Variants in TMEM108 observed in about 807,000 individuals in gnomAD.
TMEM108 encodes the protein cancer/testis antigen 124.
A neutral mutation model predicts 35.1 loss-of-function variants in TMEM108; 12 were observed. That is an observed-to-expected ratio of 0.34 (90% CI 0.22 to 0.55). The LOEUF is 0.55. TMEM108 is among the 20% of genes least tolerant of loss of function. The probability of loss-of-function intolerance (pLI) is 0.89; values close to 1 mark genes in which losing one functional copy is unlikely to be tolerated. For missense variants in TMEM108, 680 were observed against 753.3 expected (o/e 0.90, Z 1.14); for synonymous variants, 287 against 308.6 (o/e 0.93, Z 0.73).
chr3:133,172,114 C>T (rs865827866), intron 2 of TMEM108, among the ~76,000 whole-genome samples: 8 of 152,104 alleles, frequency 5.3e-5, no homozygotes, highest in Admixed American at 3.3e-4. Context: ...TTGCATTTAA[C>T]GCTCACAGGG....
intron 2 of TMEM108, among the ~76,000 whole-genome samples, chr3:133,057,441 A>G (rs61307159): frequency 0.12 from 884 of 7,222 alleles, 23 homozygotes; most frequent in African/African-American, 0.19. Flanking sequence ...GTGTGTATAT[A>G]TATATATATA....
intron 3 of TMEM108, chr3:133,303,455 C>T (rs979888145): frequency 6.6e-6 from 1 of 152,156 alleles, no homozygotes; most frequent in Non-Finnish European, 1.5e-5. Context: ...CCTTCCTAAG[C>T]ATTTCACTAT....
chr3:133,168,469 G>A (rs1298703853), intron 2 of TMEM108, among the ~76,000 whole-genome samples: 1 of 152,130 alleles, frequency 6.6e-6, no homozygotes, highest in African/African-American at 2.4e-5. Flanking sequence ...CTACTGAGAG[G>A]TGAAGCTGGC....
rs1381522961 is a variant in TMEM108, at chr3:133,380,228, C to T, written c.517C>T (p.Arg173Ter). Residue 173 changes from arginine (R) to a stop codon, truncating the protein, a stop_gained, in exon 4 of 6, where the codon CGA becomes TGA. Coordinates refer to ENST00000321871, the MANE Select transcript of TMEM108 (RefSeq NM_023943.4). LOFTEE classifies it high-confidence loss of function. This position sits in a 1 kb window ranked among gnomAD's most constrained non-coding sequence, Gnocchi z 5.3. ...RRPPRPPGSS[R>*]KGAGNSSRPV... ...GCCCCCCAGGCCCCCAGGCTCTTCC[C>T]GAAAAGGGGCTGGTAATTCATCACG... The T allele has an allele frequency of 6.2e-7, 1 of 1,613,120 alleles. No homozygotes were observed. Among genetic ancestry groups the T allele is most frequent in the African/African-American group, 1.3e-5 (1 of 74,962 alleles).
rs146675297 is a variant in TMEM108 at position 133,095,732 on chromosome 3, C to T, written c.-47+49712C>T. On this transcript the variant is annotated intron_variant, in intron 2 of 5. Coordinates refer to ENST00000321871, the MANE Select transcript of TMEM108 (RefSeq NM_023943.4). ...GAATCTAATGTTGCCACTGATCCGA[C>T]AGGCGGTGGAGCTCAGGTGATAATG... Among the ~76,000 whole-genome samples the T allele has an allele frequency of 1.2e-4, 19 of 152,266 alleles. No homozygotes were observed. The East Asian group carries it at 3.3e-3, about 26-fold the overall frequency.
intron 2 of TMEM108, among the ~76,000 whole-genome samples, chr3:133,072,671 G>A (rs571629695): frequency 4.5e-4 from 68 of 152,114 alleles, no homozygotes; most frequent in African/African-American, 1.3e-3. Context: ...TATAATTTAC[G>A]TATTATAAAA....
rs1946959645 is a variant in TMEM108, at chr3:133,284,586, C to T, written c.40+55235C>T. 2.6e-5 allele frequency among the ~76,000 whole-genome samples: 4 copies of T among 152,318 alleles called. No homozygotes were observed. In the South Asian group the frequency reaches 8.3e-4, roughly 32 times the overall value. ...GCCTGAAAGGTCACAGCCAGCACAT[C>T]CCTGGAAATGATGAATCCCAGCTCC... On this transcript the variant is annotated intron_variant, in intron 3 of 5. Coordinates refer to ENST00000321871, the MANE Select transcript of TMEM108 (RefSeq NM_023943.4).
At chr3:133,184,403 A>C (rs942317794) in intron 2 of TMEM108, among the ~76,000 whole-genome samples, 1 of 152,136 alleles carries the variant, frequency 6.6e-6, no homozygotes, top group Non-Finnish European at 1.5e-5. Flanking sequence ...TCTTGCATAA[A>C]TCATCCTCTA....
intron 2 of TMEM108, among the ~76,000 whole-genome samples, chr3:133,167,725 G>A (rs1346153214): frequency 1.3e-5 from 2 of 152,174 alleles, no homozygotes; most frequent in Non-Finnish European, 2.9e-5. Flanking sequence ...CGGAACTTGC[G>A]CTGGCCCGTG....
chr3:133,296,729 A>G (rs900765410), intron 3 of TMEM108, among the ~76,000 whole-genome samples: 1 of 152,160 alleles, frequency 6.6e-6, no homozygotes, highest in African/African-American at 2.4e-5. Flanking sequence ...GTTGATGGAC[A>G]GTGGGGCTGA....
intron 3 of TMEM108, among the ~76,000 whole-genome samples, chr3:133,342,672 T>C (rs949802283): frequency 1.3e-5 from 2 of 149,662 alleles, no homozygotes; most frequent in African/African-American, 4.9e-5. Flanking sequence ...GAAAAATAAA[T>C]ACTGCATCTT....
intron 3 of TMEM108, among the ~76,000 whole-genome samples, chr3:133,352,180 T>C (rs929288802): frequency 2.6e-5 from 4 of 152,176 alleles, no homozygotes; most frequent in Non-Finnish European, 4.4e-5. Flanking sequence ...TTCATTGGGC[T>C]TGGGAATTCT....
intron 3 of TMEM108, among the ~76,000 whole-genome samples, chr3:133,293,213 C>G (rs971284013): frequency 2.0e-5 from 3 of 151,900 alleles, no homozygotes; most frequent in African/African-American, 7.3e-5. Context: ...GATCCAGCCT[C>G]CAACTTTCTT....
chr3:133,390,252 G>A lies in TMEM108; in HGVS notation c.1523G>A (p.Trp508Ter). 1 of 1,614,214 alleles carries A rather than the reference G, an allele frequency of 6.2e-7. No individual in the cohort carries two copies. ...TANPENNLSY[W>*]NNTITMDYFN... ...AACCCGGAGAACAACCTGAGCTACT[G>A]GAACAACACCATCACCATGGACTAC... Residue 508 changes from tryptophan to a stop codon, truncating the protein, a stop_gained, in exon 5 of 6, where the codon TGG (tryptophan) becomes TAG (stop). Transcript: ENST00000321871. LOFTEE classifies it high-confidence loss of function.
At chr3:133,228,189 T>A (rs1576396599) in intron 2 of TMEM108, among the ~76,000 whole-genome samples, 1 of 147,688 alleles carries the variant, frequency 6.8e-6, no homozygotes, top group African/African-American at 2.5e-5. Flanking sequence ...TATATCTCAG[T>A]AAAAAAAAAA....
rs1270513141 is a variant in TMEM108, at chr3:133,169,127, C to T, written c.-46-60139C>T. On this transcript the variant is annotated intron_variant, in intron 2 of 5. Transcript: ENST00000321871. ...GAACCCACCAATTCCAGACACACTA[C>T]TCCCAAGATAACAGCATTAATCCAT... Among the ~76,000 whole-genome samples, 5 of 152,248 alleles carry T rather than the reference C, an allele frequency of 3.3e-5. No individual in the cohort carries two copies. In the East Asian group the frequency reaches 9.6e-4, roughly 29 times the overall value.
intron 2 of TMEM108, among the ~76,000 whole-genome samples, chr3:133,162,549 G>A (rs983146212): frequency 1.3e-5 from 2 of 152,148 alleles, no homozygotes; most frequent in African/African-American, 4.8e-5. Context: ...CCAGTAGTGG[G>A]TTCTGTCTTC....
chr3:133,283,831 A>G (rs1402001174), intron 3 of TMEM108, among the ~76,000 whole-genome samples: 1 of 152,210 alleles, frequency 6.6e-6, no homozygotes, highest in Non-Finnish European at 1.5e-5. Flanking sequence ...TGAAAATTAT[A>G]ATTCATATGC....
intron 3 of TMEM108, among the ~76,000 whole-genome samples, chr3:133,293,649 G>C (rs534293326): frequency 6.6e-6 from 1 of 152,062 alleles, no homozygotes; most frequent in Non-Finnish European, 1.5e-5. Flanking sequence ...CGGATGTTGA[G>C]TGGTTTTGCT....
Sources: allele counts gnomAD v4.1 joint callset (sites outside exome capture counted in the v4.1 genomes callset), GRCh38; gene constraint gnomAD v4.1.1; non-coding constraint Gnocchi (gnomAD v3.1); transcripts MANE v1.5; gene names NCBI Gene and HGNC (gene_info 2026-07-23, HGNC 2026-07-21).